ERMP1: variants seen among roughly 807,000 people sequenced by gnomAD.
ERMP1 encodes the protein Felix-ina.
ERMP1 carries 86 observed loss-of-function variants against 92.0 expected under a neutral mutation model. The observed-to-expected ratio is 0.93, with a 90% CI of 0.79 to 1.12. ERMP1 has a LOEUF of 1.12. Ranked by LOEUF, ERMP1 falls within the 50% of genes most tolerant of loss-of-function variation. The probability of loss-of-function intolerance (pLI) is 0.00; values close to 1 mark genes in which losing one functional copy is unlikely to be tolerated. For synonymous variants in ERMP1, 530 were observed against 412.8 expected (o/e 1.28, Z -3.44); for missense variants, 1,342 against 1,116.3 (o/e 1.20, Z -2.88).
chr9:5,817,128 G>A (rs911956450), intron 4 of ERMP1, among the ~76,000 whole-genome samples: 4 of 152,038 alleles, frequency 2.6e-5, no homozygotes, highest in African/African-American at 9.7e-5. Context: ...TCGATCTCCT[G>A]ACCTCGTGAT....
At chr9:5,841,537 C>T (rs1043069978) in intron 6 of ERMP1, among the ~76,000 whole-genome samples, 3 of 152,134 alleles carry the variant, frequency 2.0e-5, no homozygotes, top group African/African-American at 7.2e-5. Context: ...GTGGCTCATA[C>T]CTGTAATCCC....
intron 6 of ERMP1, among the ~76,000 whole-genome samples, chr9:5,842,162 C>T (rs868860834): frequency 6.6e-6 from 1 of 152,206 alleles, no homozygotes; most frequent in East Asian, 1.9e-4. Flanking sequence ...GTTGCAGCTG[C>T]TGGCTGGGGT....
intron 12 of ERMP1, 96 bp downstream of exon 12, chr9:5,798,710 G>C (rs1828546999): frequency 2.7e-6 from 2 of 734,454 alleles, no homozygotes; most frequent in South Asian, 1.8e-5. Context: ...CACTGAACTT[G>C]TATATTAAAG....
intron 4 of ERMP1, among the ~76,000 whole-genome samples, chr9:5,822,928 T>C (rs1353588753): frequency 6.6e-6 from 1 of 152,190 alleles, no homozygotes; most frequent in African/African-American, 2.4e-5. Context: ...GTTCCAATAA[T>C]GGAACACTAG....
At chr9:5,836,631 T>TTTTG (rs954411242), upstream of ERMP1, among the ~76,000 whole-genome samples, 2 of 152,006 alleles carry the variant, frequency 1.3e-5, no homozygotes, top group East Asian at 1.9e-4. Context: ...TTTTTTAGGT[T>TTTTG]TTTGTTTGTT....
intron 11 of ERMP1, among the ~76,000 whole-genome samples, chr9:5,799,300 A>G (rs1828576262): frequency 6.6e-6 from 1 of 152,218 alleles, no homozygotes; most frequent in African/African-American, 2.4e-5. Context: ...CTGCTTTTAG[A>G]TAAGGATTTA....
chr9:5,821,360 C>T (rs1294489080), intron 4 of ERMP1, among the ~76,000 whole-genome samples: 4 of 152,194 alleles, frequency 2.6e-5, no homozygotes, highest in Non-Finnish European at 4.4e-5. Flanking sequence ...AACTGCTCAC[C>T]ATCCAGCTAG....
At chr9:5,788,715 T>G (rs1359695190) in intron 13 of ERMP1, among the ~76,000 whole-genome samples, 2 of 151,262 alleles carry the variant, frequency 1.3e-5, no homozygotes, top group East Asian at 3.9e-4. Context: ...AAAAAAGAAA[T>G]AACCATGAAG....
chr9:5,786,911 A>G lies in ERMP1; in HGVS notation c.*233T>C, dbSNP rs1827962720. On this transcript the variant is annotated 3_prime_UTR_variant, in exon 15 of 15. Transcript: ENST00000339450. ...ACGTGTGTGTAGTGGCAGTACCCAC[A>G]TGTGCTGAAGTGCCAAAAGACTGGC... is the stretch of plus-strand genomic sequence containing the variant. 5.1e-6 allele frequency: 2 copies of G among 390,982 alleles called. No homozygotes were observed. Among genetic ancestry groups the G allele is most frequent in the East Asian group, 9.4e-5 (2 of 21,256 alleles). The allele number at this position is 390,982 out of a possible 1,614,324, so 24.2% of individuals were successfully genotyped here. A position where few individuals can be genotyped will look rare whatever the true frequency, so the allele number is the denominator to read the frequency against.
At position 5,798,906 on chromosome 9, in the gene ERMP1, G is replaced by C. The variant is rs774542275; in HGVS notation, c.2170C>G (p.Pro724Ala). 1.9e-6 allele frequency: 3 copies of C among 1,612,330 alleles called. No homozygotes were observed. The African/African-American group carries it at 4.0e-5, about 22-fold the overall frequency. The part of the protein sequence containing the change: ...FDYTGISHIT[P>A]HIPEINDSIR... ...CTATCATTGATCTCAGGAATGTGAG[G>C]GGTTATGTGAGAAATTCCAGTATAA... Residue 724 changes from proline to alanine, a missense_variant, in exon 12 of 15, where the codon CCT (proline) becomes GCT (alanine). Transcript: ENST00000339450.
chr9:5,812,696 T>G, intron 5 of ERMP1, 193 bp downstream of exon 5: 1 of 643,226 alleles, frequency 1.6e-6, no homozygotes, highest in South Asian at 1.8e-5. Flanking sequence ...TGACATATTT[T>G]AGAGGAGGCC....
At chr9:5,858,503 G>GCTGCACACAGTGTC (rs1830412456) in intron 6 of ERMP1, among the ~76,000 whole-genome samples, 1 of 152,148 alleles carries the variant, frequency 6.6e-6, no homozygotes, top group Non-Finnish European at 1.5e-5. Context: ...CAGCCTCTGT[G>GCTGCACACAGTGTC]CTGCACACAG....
At chr9:5,816,770 G>A (rs938450488) in intron 4 of ERMP1, among the ~76,000 whole-genome samples, 5 of 152,152 alleles carry the variant, frequency 3.3e-5, no homozygotes, top group Non-Finnish European at 7.3e-5. Flanking sequence ...CAAGAAAAAA[G>A]AATGAACTAC....
intron 9 of ERMP1, among the ~76,000 whole-genome samples, 184 bp downstream of exon 9, chr9:5,805,427 A>T (rs1399182933): frequency 6.6e-6 from 1 of 152,210 alleles, no homozygotes; most frequent in African/African-American, 2.4e-5. Flanking sequence ...ATATATTAGT[A>T]TGTGTTCACA....
At chr9:5,792,762 G>A (rs1411551507) in intron 13 of ERMP1, among the ~76,000 whole-genome samples, 1 of 152,160 alleles carries the variant, frequency 6.6e-6, no homozygotes, top group African/African-American at 2.4e-5. Flanking sequence ...CCATGAAGCA[G>A]TACAGTGTTA....
chr9:5,794,325 T>C (rs1020953048), intron 13 of ERMP1, among the ~76,000 whole-genome samples: 2 of 152,062 alleles, frequency 1.3e-5, no homozygotes, highest in African/African-American at 4.8e-5. Context: ...TGAATGCATA[T>C]ATTAGAAAAG....
intron 5 of ERMP1, 155 bp downstream of exon 5, chr9:5,812,734 A>C: frequency 2.4e-6 from 2 of 836,108 alleles, no homozygotes; most frequent in Non-Finnish European, 3.9e-6. Context: ...GGAGTTTAAA[A>C]AAGGAAACAA....
chr9:5,789,054 A>G (rs1166171194), intron 13 of ERMP1, among the ~76,000 whole-genome samples: 1 of 152,194 alleles, frequency 6.6e-6, no homozygotes, highest in African/African-American at 2.4e-5. Flanking sequence ...AAAAATATTC[A>G]TTTGGTACCC....
At chr9:5,810,852 C>T (rs986606507) in intron 7 of ERMP1, among the ~76,000 whole-genome samples, 3 of 152,104 alleles carry the variant, frequency 2.0e-5, no homozygotes, top group African/African-American at 7.2e-5. Context: ...CATTAGAAGT[C>T]AATCTGTACA....
Sources: allele counts gnomAD v4.1 joint callset (sites outside exome capture counted in the v4.1 genomes callset), GRCh38; gene constraint gnomAD v4.1.1; transcripts MANE v1.5; gene names NCBI Gene and HGNC (gene_info 2026-07-23, HGNC 2026-07-21).